Variants in RGS22 observed in about 807,000 individuals in gnomAD.
The protein encoded by RGS22 is regulator of G protein signaling 22.
A neutral mutation model predicts 172.9 loss-of-function variants in RGS22; 148 were observed. The ratio of observed to expected loss-of-function variants is 0.86; its 90% confidence interval spans 0.75 to 0.98. The LOEUF (loss-of-function observed/expected upper bound fraction) is 0.98. Among genes scored for constraint, RGS22 ranks in the 50% least tolerant of loss-of-function variants. The pLI is 0.00. For synonymous variants in RGS22, 458 were observed against 480.2 expected, an observed-to-expected ratio of 0.95 and a Z score of 0.60; for missense variants, 1,347 against 1,440.8, an observed-to-expected ratio of 0.93 and a Z score of 1.05.
chr8:100,103,951 A>G (rs1185355264), intron 2 of RGS22, among the ~76,000 whole-genome samples: 1 of 152,202 alleles, frequency 6.6e-6, no homozygotes, highest in Non-Finnish European at 1.5e-5. Context: ...GGCTTCAGAA[A>G]TGCTCACCTC....
chr8:99,983,002 T>A (rs924721789), intron 21 of RGS22, among the ~76,000 whole-genome samples: 1 of 152,154 alleles, frequency 6.6e-6, no homozygotes, highest in African/African-American at 2.4e-5. Context: ...ATTCCCATAT[T>A]TATGTCCATG....
At chr8:100,007,799 C>A in intron 15 of RGS22, among the ~76,000 whole-genome samples, 1 of 149,674 alleles carries the variant, frequency 6.7e-6, no homozygotes, top group African/African-American at 2.5e-5. Context: ...AAAAAAAAAT[C>A]AAGTGATGCC....
intron 14 of RGS22, among the ~76,000 whole-genome samples, chr8:100,030,059 G>T (rs1017490775): frequency 6.6e-6 from 1 of 152,196 alleles, no homozygotes; most frequent in Non-Finnish European, 1.5e-5. Context: ...TGAAAGAGGG[G>T]TTAAGAGTGA....
chr8:100,065,355 T>C (rs1212060528), intron 7 of RGS22, among the ~76,000 whole-genome samples: 3 of 152,216 alleles, frequency 2.0e-5, no homozygotes, highest in African/African-American at 7.2e-5. Flanking sequence ...TCTCCAATTA[T>C]ATACTTCAAT....
intron 9 of RGS22, among the ~76,000 whole-genome samples, chr8:100,058,177 A>AG (rs1809802602): frequency 9.2e-6 from 1 of 108,120 alleles, no homozygotes; most frequent in Non-Finnish European, 2.2e-5. Context: ...GAGACAAAAA[A>AG]AAAAAAAAAC....
In RGS22 at chr8:100,071,515, C is replaced by T; in HGVS notation, c.448G>A (p.Val150Ile). The change falls in exon 6 of 28, where the codon GTA (valine) becomes ATA (isoleucine). Residue 150 changes from valine (V) to isoleucine (I), a missense_variant. Transcript: ENST00000360863. ...TTCATGCCGGACTTGCTCCATCTTACTTGTGAGACCAATTTGGCTAACCTG... is the reference window on the plus strand; with the variant it reads ...TTCATGCCGGACTTGCTCCATCTTATTTGTGAGACCAATTTGGCTAACCTG... ...EYRLAKLVSQ[V>I]RWSKSGMNFT... 1 of 1,605,296 alleles carries T rather than the reference C, an allele frequency of 6.2e-7. No homozygotes were observed. The highest frequency in any genetic ancestry group is 8.5e-7 in the Non-Finnish European group (1 of 1,176,790).
intron 8 of RGS22, 25 bp from the exon 9 acceptor site, chr8:100,062,777 A>G: frequency 1.3e-6 from 2 of 1,555,680 alleles, no homozygotes; most frequent in Non-Finnish European, 1.8e-6. Flanking sequence ...ATTTCCATAT[A>G]TACACACACA....
At chr8:100,099,724 G>C (rs1055641072) in intron 2 of RGS22, among the ~76,000 whole-genome samples, 1 of 152,222 alleles carries the variant, frequency 6.6e-6, no homozygotes, top group African/African-American at 2.4e-5. Context: ...CCATAGAGAT[G>C]AAAGAATTCC....
chr8:100,005,906 G>A, intron 16 of RGS22, 111 bp downstream of exon 16: 1 of 645,600 alleles, frequency 1.5e-6, no homozygotes, highest in South Asian at 2.2e-5. Context: ...GCAGAAAAAT[G>A]AAACTGCCTA....
chr8:100,005,976 A>C, intron 16 of RGS22, 41 bp downstream of exon 16: 1 of 1,494,780 alleles, frequency 6.7e-7, no homozygotes, highest in Non-Finnish European at 9.3e-7. Flanking sequence ...AACCCTCTCC[A>C]GGATAAAAAG....
intron 3 of RGS22, among the ~76,000 whole-genome samples, chr8:100,083,324 T>C (rs1811902107): frequency 6.6e-6 from 1 of 152,152 alleles, no homozygotes; most frequent in African/African-American, 2.4e-5. Flanking sequence ...ACTGTCCCCG[T>C]CACATGCAGA....
At position 100,040,956 on chromosome 8, in the gene RGS22, T is replaced by TA. The variant is rs562310749; in HGVS notation, c.1938+845dup. ...ATGTTTAACTATCAGCATTACAAAC[T>TA]AAAAAAAAAATCATTATTTTAGTAG... is the stretch of plus-strand genomic sequence containing the variant. On this transcript the variant is annotated intron_variant, in intron 12 of 27. Transcript: ENST00000360863. Among the ~76,000 whole-genome samples, 1,453 of 148,750 alleles carry TA rather than the reference T, an allele frequency of 9.8e-3. 23 individuals carry two copies. Among genetic ancestry groups the TA allele is most frequent in the African/African-American group, 0.033 (1,351 of 40,746 alleles).
intron 3 of RGS22, among the ~76,000 whole-genome samples, chr8:100,089,761 T>C (rs2131972452): frequency 6.6e-6 from 1 of 152,278 alleles, no homozygotes; most frequent in African/African-American, 2.4e-5. Flanking sequence ...ATTAGCTTTG[T>C]TTGTTTTGGT....
intron 14 of RGS22, among the ~76,000 whole-genome samples, chr8:100,015,217 A>G (rs970774125): frequency 1.2e-4 from 19 of 152,196 alleles, no homozygotes; most frequent in African/African-American, 4.3e-4. Context: ...CAATGACTCA[A>G]TAATATAGCA....
At chr8:100,048,464 C>G (rs1820957186) in intron 10 of RGS22, among the ~76,000 whole-genome samples, 1 of 151,988 alleles carries the variant, frequency 6.6e-6, no homozygotes, top group African/African-American at 2.4e-5. Context: ...AACAAACATA[C>G]AAAACTTTTC....
intron 3 of RGS22, among the ~76,000 whole-genome samples, chr8:100,082,520 A>C (rs768271568): frequency 3.3e-5 from 5 of 152,132 alleles, no homozygotes; most frequent in Non-Finnish European, 7.4e-5. Flanking sequence ...CTTGGGTTAA[A>C]GGTCGTGATG....
chr8:100,039,961 C>A lies in RGS22; in HGVS notation c.2064+1G>T, dbSNP rs1387440983. ...TTAAATTTTAAATAATTCTTTTCTA[C>A]CTTGTTCCCTGAATGCTCGCAGAAT... On this transcript the variant is annotated splice_donor_variant, in intron 13 of 27. Coordinates refer to ENST00000360863, the MANE Select transcript of RGS22 (RefSeq NM_015668.5). LOFTEE classifies it high-confidence loss of function. 5 of 1,508,886 alleles carry A rather than the reference C, an allele frequency of 3.3e-6. No homozygotes were observed. In the East Asian group the frequency reaches 1.0e-4, roughly 30 times the overall value. The allele number at this position is 1,508,886 out of a possible 1,614,324, so 93.5% of individuals were successfully genotyped here.
At chr8:100,022,069 C>T (rs564200791) in intron 14 of RGS22, among the ~76,000 whole-genome samples, 4 of 152,096 alleles carry the variant, frequency 2.6e-5, no homozygotes, top group Non-Finnish European at 5.9e-5. Flanking sequence ...AAAAACATTA[C>T]TGAGGAGCTA....
At chr8:100,095,674 T>TC (rs1812912094) in intron 2 of RGS22, among the ~76,000 whole-genome samples, 1 of 152,232 alleles carries the variant, frequency 6.6e-6, no homozygotes, top group Non-Finnish European at 1.5e-5. Context: ...GCTCAGCTCA[T>TC]CTCACTACAG....
Sources: gnomAD v4.1 joint callset for allele counts (sites outside exome capture counted in the v4.1 genomes callset) on GRCh38, gnomAD v4.1.1 for gene constraint, MANE v1.5 for transcripts, NCBI Gene and HGNC (gene_info 2026-07-23, HGNC 2026-07-21) for gene names.